The following KCNQ1 variants were observed in gnomAD, a reference collection of about 807,000 sequenced individuals.
KCNQ1 encodes the protein potassium voltage-gated channel subfamily Q member 1, also known as potassium voltage-gated channel subfamily KQT member 1.
In KCNQ1, 49 loss-of-function variants were observed where a neutral mutation model predicts 72.4. The ratio of observed to expected loss-of-function variants is 0.68; its 90% CI spans 0.54 to 0.86. The LOEUF is 0.86. Ranked by LOEUF, KCNQ1 falls within the 40% of genes least tolerant of loss-of-function variation. The pLI, the probability that KCNQ1 is intolerant of heterozygous loss-of-function variation, is 0.00. For synonymous variants in KCNQ1, 450 were observed against 412.6 expected, an observed-to-expected ratio of 1.09 and a Z score of -1.10; for missense variants, 790 against 945.1, an observed-to-expected ratio of 0.84 and a Z score of 2.15.
chr11:2,473,417 T>C lies in KCNQ1; in HGVS notation c.386+27933T>C, dbSNP rs1051606835. The stretch of plus-strand genomic sequence containing the variant: ...CCCGTCCAGCAGGAGGCAGGAGAGC[T>C]GGTGTTTGGAGATGTGAGGGGCTGG... On this transcript the variant is annotated intron_variant, in intron 1 of 15. Coordinates refer to ENST00000155840, the MANE Select transcript of KCNQ1 (RefSeq NM_000218.3). The surrounding 1 kb of genome is among the most constrained non-coding windows in gnomAD (Gnocchi z 6.0). 6.6e-6 allele frequency among the ~76,000 whole-genome samples: 1 copy of C among 151,762 alleles called. No homozygotes were observed. The highest frequency in any genetic ancestry group is 2.4e-5 in the African/African-American group (1 of 41,268).
chr11:2,730,043 C>T (rs1200194068), intron 11 of KCNQ1, among the ~76,000 whole-genome samples: 6 of 152,114 alleles, frequency 3.9e-5, no homozygotes, highest in South Asian at 4.2e-4. Context: ...TGCTGGGACC[C>T]CGAGAGCTAG....
At position 2,658,440 on chromosome 11, in the gene KCNQ1, T is replaced by C; in HGVS notation, c.1394-3521T>C. On this transcript the variant is annotated intron_variant, in intron 10 of 15. Coordinates refer to ENST00000155840, the MANE Select transcript of KCNQ1 (RefSeq NM_000218.3). This position sits in a 1 kb window ranked among gnomAD's most constrained non-coding sequence, Gnocchi z 4.9. Reference sequence around the variant, plus strand: ...TGTTCAAGCTGTGGCCACTGGTGGGTTCATGTGTCCTTTTGATGTGCCCCC... The same window carrying C: ...TGTTCAAGCTGTGGCCACTGGTGGGCTCATGTGTCCTTTTGATGTGCCCCC... The C allele has an allele frequency of 2.5e-6, 1 of 398,550 alleles. No homozygotes were observed. Among genetic ancestry groups the C allele is most frequent in the Non-Finnish European group, 4.4e-6 (1 of 226,044 alleles). The allele number at this position is 398,550 out of a possible 1,614,324, so 24.7% of individuals were successfully genotyped here. A position where few individuals can be genotyped will look rare whatever the true frequency, so the allele number is the denominator to read the frequency against.
chr11:2,778,350 G>T (rs954446700), intron 15 of KCNQ1, among the ~76,000 whole-genome samples: 7 of 152,212 alleles, frequency 4.6e-5, no homozygotes, highest in African/African-American at 1.7e-4. Flanking sequence ...AGTCTGCTTT[G>T]TGCTCTGCGA....
Position 2,494,816 on chromosome 11 carries a change from G to A in KCNQ1, c.387-33112G>A, listed in dbSNP as rs555226608. Among the ~76,000 whole-genome samples the A allele has an allele frequency of 1.1e-4, 16 of 152,090 alleles. No homozygotes were observed. The highest frequency in any genetic ancestry group is 4.2e-4 in the South Asian group (2 of 4,804). On this transcript the variant is annotated intron_variant, in intron 1 of 15. Transcript: ENST00000155840. The surrounding 1 kb of genome is among the most constrained non-coding windows in gnomAD (Gnocchi z 4.6). ...CTGAAGTTTTCTTTTTTTGTGTGTC[G>A]CTGCCAAATTTTGGTATCAGGATGA... is the stretch of plus-strand genomic sequence containing the variant.
rs568595146 is a variant in KCNQ1 at position 2,676,134 on chromosome 11, T to A, written c.1514+14053T>A. The A allele has an allele frequency of 2.5e-6, 1 of 398,544 alleles. No homozygotes were observed. Among genetic ancestry groups the A allele is most frequent in the Non-Finnish European group, 4.4e-6 (1 of 226,068 alleles). The allele number at this position is 398,544 out of a possible 1,614,324, so 24.7% of individuals were successfully genotyped here. A position where few individuals can be genotyped will look rare whatever the true frequency, so the allele number is the denominator to read the frequency against. ...TAGATACGGCTCCTTTTTATACAAA[T>A]GGTAGCATACTGTATGTATTTTTCT... On this transcript the variant is annotated intron_variant, in intron 11 of 15. Transcript: ENST00000155840. This position sits in a 1 kb window ranked among gnomAD's most constrained non-coding sequence, Gnocchi z 4.2.
chr11:2,520,627 C>G (rs1323618091), intron 1 of KCNQ1, among the ~76,000 whole-genome samples: 1 of 152,128 alleles, frequency 6.6e-6, no homozygotes, highest in African/African-American at 2.4e-5. Flanking sequence ...CGTCCACATC[C>G]CAGGGCTCTG....
Position 2,683,310 on chromosome 11 carries a change from T to C in KCNQ1, c.1514+21229T>C, listed in dbSNP as rs76341569. ...GTTTTAGTTTGCAAAACCAGACACA[T>C]AGAGGCCAGGTTTCCCCCGCTCAAC... is the stretch of plus-strand genomic sequence containing the variant. On this transcript the variant is annotated intron_variant, in intron 11 of 15. Coordinates refer to ENST00000155840, the MANE Select transcript of KCNQ1 (RefSeq NM_000218.3). The surrounding 1 kb of genome is among the most constrained non-coding windows in gnomAD (Gnocchi z 4.7). The C allele has an allele frequency of 1.8e-5, 7 of 398,414 alleles. No homozygotes were observed. Among genetic ancestry groups the C allele is most frequent in the Non-Finnish European group, 2.7e-5 (6 of 226,066 alleles). 24.7% of individuals were successfully genotyped at this position (398,414 alleles called of 1,614,324 possible). A position where few individuals can be genotyped will look rare whatever the true frequency, so the allele number is the denominator to read the frequency against.
At chr11:2,646,211 G>A (rs1849663163) in intron 10 of KCNQ1, 1 of 398,496 alleles carries the variant, frequency 2.5e-6, no homozygotes, top group East Asian at 3.6e-5. Context: ...TGGAGGAGGT[G>A]AGTGCCAGAT....
intron 1 of KCNQ1, among the ~76,000 whole-genome samples, chr11:2,513,904 T>G (rs1297414780): frequency 6.6e-6 from 1 of 152,188 alleles, no homozygotes. Context: ...ACCTGCCTAT[T>G]TCAAGGCCTC....
At position 2,603,535 on chromosome 11, in the gene KCNQ1, C is replaced by T. The variant is rs1030017322; in HGVS notation, c.1393+14681C>T. ...CTTTTAAATATCACCCCCAAACCCA[C>T]TATTCCATCCCCCTCAGCCCTAGGC... On this transcript the variant is annotated intron_variant, in intron 10 of 15. Transcript: ENST00000155840. This position sits in a 1 kb window ranked among gnomAD's most constrained non-coding sequence, Gnocchi z 4.1. Among the ~76,000 whole-genome samples, 9 of 152,186 alleles carry T rather than the reference C, an allele frequency of 5.9e-5. No homozygotes were observed. Among genetic ancestry groups the T allele is most frequent in the African/African-American group, 1.9e-4 (8 of 41,434 alleles).
At chr11:2,572,727 C>A in intron 5 of KCNQ1, 119 bp from the exon 6 acceptor site, 1 of 1,340,144 alleles carries the variant, frequency 7.5e-7, no homozygotes, top group Non-Finnish European at 1.0e-6. Context: ...TGCATGTGAA[C>A]CGCGCTGGAG....
At position 2,735,067 on chromosome 11, in the gene KCNQ1, G is replaced by A. The variant is rs1406125347; in HGVS notation, c.1515-33777G>A. On this transcript the variant is annotated intron_variant, in intron 11 of 15. Transcript: ENST00000155840. The surrounding 1 kb of genome is among the most constrained non-coding windows in gnomAD (Gnocchi z 7.7). ...ACATGTGCCAGGGAAGCCCTGCCTT[G>A]TCATCACCTGTGCCGTGGCTGTCAG... Among the ~76,000 whole-genome samples the A allele has an allele frequency of 6.6e-6, 1 of 152,148 alleles. No homozygotes were observed. The highest frequency in any genetic ancestry group is 1.5e-5 in the Non-Finnish European group (1 of 68,008).
Position 2,752,740 on chromosome 11 carries a change from C to T in KCNQ1, c.1515-16104C>T, listed in dbSNP as rs1035975362. Among the ~76,000 whole-genome samples, 4 of 152,154 alleles carry T rather than the reference C, an allele frequency of 2.6e-5. No individual in the cohort carries two copies. The East Asian group carries it at 7.7e-4, about 29-fold the overall frequency. On this transcript the variant is annotated intron_variant, in intron 11 of 15. Transcript: ENST00000155840. This position sits in a 1 kb window ranked among gnomAD's most constrained non-coding sequence, Gnocchi z 5.2. The stretch of plus-strand genomic sequence containing the variant: ...CCATCTCCTAACACCATCAGGGCTG[C>T]GGGTTAGCTTTCGACATAGGGACTT...
In KCNQ1 at chr11:2,804,037, G is replaced by A. The variant is rs527529716; in HGVS notation, c.1794+26000G>A. Among the ~76,000 whole-genome samples the A allele has an allele frequency of 9.2e-5, 14 of 152,302 alleles. No individual in the cohort carries two copies. In the East Asian group the frequency reaches 2.3e-3, roughly 25 times the overall value. On this transcript the variant is annotated intron_variant, in intron 15 of 15. Coordinates refer to ENST00000155840, the MANE Select transcript of KCNQ1 (RefSeq NM_000218.3). ...GGCAGAGGGGAAAGGACGGGATGGCGGGTGAACCACACGGGGAGGAGCCTG... is the reference window on the plus strand; with the variant it reads ...GGCAGAGGGGAAAGGACGGGATGGCAGGTGAACCACACGGGGAGGAGCCTG...
At chr11:2,580,698 C>T (rs1338606626) in intron 6 of KCNQ1, among the ~76,000 whole-genome samples, 2 of 152,198 alleles carry the variant, frequency 1.3e-5, no homozygotes, top group Non-Finnish European at 2.9e-5. Context: ...ACAGCCCTGT[C>T]CTGGACGCAG....
In KCNQ1 at chr11:2,682,102, G is replaced by A. The variant is rs1051714966; in HGVS notation, c.1514+20021G>A. The A allele has an allele frequency of 5.0e-6, 2 of 398,394 alleles. No homozygotes were observed. The highest frequency in any genetic ancestry group is 8.8e-6 in the Non-Finnish European group (2 of 226,066). 24.7% of individuals were successfully genotyped at this position (398,394 alleles called of 1,614,324 possible). On this transcript the variant is annotated intron_variant, in intron 11 of 15. Coordinates refer to ENST00000155840, the MANE Select transcript of KCNQ1 (RefSeq NM_000218.3). This position sits in a 1 kb window ranked among gnomAD's most constrained non-coding sequence, Gnocchi z 5.8. ...CTAGGGCCCAGGGTCACAAAGCTAG[G>A]GAGCCGTGGATCTGCAGGAGATGTC...
intron 11 of KCNQ1, among the ~76,000 whole-genome samples, chr11:2,756,578 G>C (rs1241186534): frequency 6.6e-6 from 1 of 152,062 alleles, no homozygotes; most frequent in African/African-American, 2.4e-5. Context: ...GGATACAGTT[G>C]GGGTGGAGCT....
In KCNQ1 at chr11:2,595,169, G is replaced by A. The variant is rs567754735; in HGVS notation, c.1393+6315G>A. ...CTAAGTAACATATATTGAGAAGAGA[G>A]TTTTATTTTATAAAATAAAACTGTC... is the stretch of plus-strand genomic sequence containing the variant. On this transcript the variant is annotated intron_variant, in intron 10 of 15. Coordinates refer to ENST00000155840, the MANE Select transcript of KCNQ1 (RefSeq NM_000218.3). This position sits in a 1 kb window ranked among gnomAD's most constrained non-coding sequence, Gnocchi z 5.0. Among the ~76,000 whole-genome samples, 23 of 152,156 alleles carry A rather than the reference G, an allele frequency of 1.5e-4. No individual in the cohort carries two copies. Among genetic ancestry groups the A allele is most frequent in the Non-Finnish European group, 2.8e-4 (19 of 68,000 alleles).
intron 11 of KCNQ1, chr11:2,692,084 GC>G (rs1016228382): frequency 2.5e-6 from 1 of 398,594 alleles, no homozygotes; most frequent in Non-Finnish European, 4.4e-6. Context: ...CCAGTCACCT[GC>G]CCCCACCTCC....
Sources: gnomAD v4.1 joint callset for allele counts (sites outside exome capture counted in the v4.1 genomes callset) on GRCh38, gnomAD v4.1.1 for gene constraint, Gnocchi (gnomAD v3.1) non-coding constraint, MANE v1.5 for transcripts, NCBI Gene and HGNC (gene_info 2026-07-23, HGNC 2026-07-21) for gene names.